The following DYNC2H1 variants were observed in gnomAD, a reference collection of about 807,000 sequenced individuals.
DYNC2H1 encodes the protein dynein cytoplasmic 2 heavy chain 1.
A neutral mutation model predicts 570.0 loss-of-function variants in DYNC2H1; 410 were observed. The observed-to-expected ratio is 0.72, with a 90% CI of 0.66 to 0.78. The LOEUF is 0.78. DYNC2H1 is among the 30% of genes least tolerant of loss of function. DYNC2H1 has a pLI of 0.00. For missense variants in DYNC2H1, 4,865 were observed against 5,046.4 expected, an observed-to-expected ratio of 0.96 and a Z score of 1.09; for synonymous variants, 1,688 against 1,677.6, an observed-to-expected ratio of 1.01 and a Z score of -0.15.
In DYNC2H1 at chr11:103,186,522, G is replaced by A; in HGVS notation, c.6893+21G>A. ...AAAGGGTAAGAAAAATATTGGCAAA[G>A]GTATATGTTGTGGATTTATTCCTGC... is the stretch of plus-strand genomic sequence containing the variant. On this transcript the variant is annotated intron_variant, in intron 42 of 88. Transcript: ENST00000375735. This position sits in a 1 kb window ranked among gnomAD's most constrained non-coding sequence, Gnocchi z 4.5. 2 of 1,600,988 alleles carry A rather than the reference G, an allele frequency of 1.2e-6. No individual in the cohort carries two copies. The highest frequency in any genetic ancestry group is 1.7e-6 in the Non-Finnish European group (2 of 1,176,258).
intron 34 of DYNC2H1, among the ~76,000 whole-genome samples, chr11:103,171,508 G>A (rs538169215): frequency 6.6e-6 from 1 of 152,002 alleles, no homozygotes; most frequent in Non-Finnish European, 1.5e-5. Flanking sequence ...CACCCCCCTC[G>A]GCCTCCCAAA....
At chr11:103,373,698 G>T (rs1941273059) in intron 83 of DYNC2H1, among the ~76,000 whole-genome samples, 1 of 152,090 alleles carries the variant, frequency 6.6e-6, no homozygotes, top group Admixed American at 6.5e-5. Context: ...ATGTCTGTTA[G>T]GTCCACTTGG....
intron 70 of DYNC2H1, among the ~76,000 whole-genome samples, chr11:103,271,826 T>C (rs939848206): frequency 6.6e-6 from 1 of 152,144 alleles, no homozygotes; most frequent in Non-Finnish European, 1.5e-5. Context: ...GAAAAAATGC[T>C]CATCATCACT....
At position 103,245,223 on chromosome 11, in the gene DYNC2H1, T is replaced by G. The variant is rs1372903285; in HGVS notation, c.9919-28T>G. 3.5e-6 allele frequency: 5 copies of G among 1,442,788 alleles called. No homozygotes were observed. Among genetic ancestry groups the G allele is most frequent in the Non-Finnish European group, 4.7e-6 (5 of 1,069,872 alleles). The allele number at this position is 1,442,788 out of a possible 1,614,324, so 89.4% of individuals were successfully genotyped here. ...GTAAATATTAAAGTAATTAAATAAT[T>G]AATACGTATTCTTTTTTATTCAATT... On this transcript the variant is annotated intron_variant, in intron 64 of 88. Coordinates refer to ENST00000375735, the MANE Select transcript of DYNC2H1 (RefSeq NM_001377.3). The surrounding 1 kb of genome is among the most constrained non-coding windows in gnomAD (Gnocchi z 4.5).
intron 83 of DYNC2H1, among the ~76,000 whole-genome samples, chr11:103,389,956 A>T (rs1942064310): frequency 6.6e-6 from 1 of 152,212 alleles, no homozygotes; most frequent in Non-Finnish European, 1.5e-5. Flanking sequence ...TGTGGTGCTG[A>T]GAAGAATGTA....
chr11:103,413,528 ATGT>A (rs1461324225), intron 84 of DYNC2H1, among the ~76,000 whole-genome samples: 1 of 152,146 alleles, frequency 6.6e-6, no homozygotes, highest in Non-Finnish European at 1.5e-5. Flanking sequence ...TGTAATTCTG[ATGT>A]TGTGATTCCT....
At chr11:103,432,226 G>T (rs1441943795) in intron 84 of DYNC2H1, among the ~76,000 whole-genome samples, 1 of 152,090 alleles carries the variant, frequency 6.6e-6, no homozygotes, top group African/African-American at 2.4e-5. Flanking sequence ...AATAAGAGAA[G>T]ACAACACTTC....
At chr11:103,423,855 ATATC>A (rs1161757092) in intron 84 of DYNC2H1, among the ~76,000 whole-genome samples, 2 of 152,082 alleles carry the variant, frequency 1.3e-5, no homozygotes, top group African/African-American at 2.4e-5. Flanking sequence ...TGCAATGAGA[ATATC>A]AATATATAAA....
rs377732134 is a variant in DYNC2H1, at chr11:103,422,423, C to T, written c.12367-13520C>T. On this transcript the variant is annotated intron_variant, in intron 84 of 88. Transcript: ENST00000375735. Reference sequence around the variant, plus strand: ...TTAGGCCAATATCCTTGATGAACATCCATGTAAAAATTCTCAATAAAATAC... The same window carrying T: ...TTAGGCCAATATCCTTGATGAACATTCATGTAAAAATTCTCAATAAAATAC... Among the ~76,000 whole-genome samples the T allele has an allele frequency of 6.0e-4, 91 of 152,084 alleles. No individual in the cohort carries two copies. In the East Asian group the frequency reaches 0.012, roughly 20 times the overall value.
chr11:103,343,408 G>C (rs1331092348), intron 82 of DYNC2H1, among the ~76,000 whole-genome samples: 1 of 151,750 alleles, frequency 6.6e-6, no homozygotes, highest in Non-Finnish European at 1.5e-5. Context: ...TCTCCTATAA[G>C]AATGATTTCT....
chr11:103,257,850 A>G, intron 69 of DYNC2H1, 99 bp downstream of exon 69: 2 of 1,214,116 alleles, frequency 1.6e-6, no homozygotes, highest in Non-Finnish European at 2.1e-6. Flanking sequence ...GCAAACTTTC[A>G]TAGAATTATG....
At chr11:103,225,265 G>A (rs533363686) in intron 59 of DYNC2H1, among the ~76,000 whole-genome samples, 28 of 152,058 alleles carry the variant, frequency 1.8e-4, no homozygotes, top group African/African-American at 6.0e-4. Context: ...ATTAAGTCCC[G>A]TCTGTTTATC....
chr11:103,274,816 T>C (rs1289724611), intron 70 of DYNC2H1, among the ~76,000 whole-genome samples: 1 of 152,136 alleles, frequency 6.6e-6, no homozygotes, highest in East Asian at 1.9e-4. Context: ...TTATGTAGGC[T>C]GGGCGTGGTG....
At chr11:103,210,450 ATT>A (rs1408132521) in intron 53 of DYNC2H1, among the ~76,000 whole-genome samples, 1 of 151,894 alleles carries the variant, frequency 6.6e-6, no homozygotes, top group Non-Finnish European at 1.5e-5. Context: ...TTATTAACTT[ATT>A]TATTTAACCA....
intron 82 of DYNC2H1, among the ~76,000 whole-genome samples, chr11:103,336,111 C>G (rs1939109282): frequency 6.6e-6 from 1 of 152,076 alleles, no homozygotes; most frequent in South Asian, 2.1e-4. Context: ...AGATCTCTTG[C>G]TAGGCAAAAG....
At chr11:103,348,396 C>T (rs1448775545) in intron 82 of DYNC2H1, among the ~76,000 whole-genome samples, 1 of 152,162 alleles carries the variant, frequency 6.6e-6, no homozygotes, top group East Asian at 1.9e-4. Flanking sequence ...ATCGCCACAA[C>T]AAGATAGTGA....
chr11:103,136,557 A>G (rs1447903224), intron 17 of DYNC2H1, among the ~76,000 whole-genome samples: 4 of 152,186 alleles, frequency 2.6e-5, no homozygotes, highest in Admixed American at 2.0e-4. Flanking sequence ...ACATGAACTC[A>G]TCATTTTTTA....
chr11:103,240,468 A>G (rs1388857110), intron 63 of DYNC2H1, among the ~76,000 whole-genome samples: 1 of 152,102 alleles, frequency 6.6e-6, no homozygotes, highest in Non-Finnish European at 1.5e-5. Context: ...CTCACTGCCT[A>G]TAACCTGCTT....
At position 103,256,878 on chromosome 11, in the gene DYNC2H1, T is replaced by C. The variant is rs1013548205; in HGVS notation, c.10461+638T>C. Among the ~76,000 whole-genome samples the C allele has an allele frequency of 6.6e-6, 1 of 152,216 alleles. No homozygotes were observed. Among genetic ancestry groups the C allele is most frequent in the Non-Finnish European group, 1.5e-5 (1 of 68,038 alleles). ...TAAAATTGGATCATCTATTCTCTGA[T>C]CACAAATATTTACCATTTCATCTTA... is the stretch of plus-strand genomic sequence containing the variant. On this transcript the variant is annotated intron_variant, in intron 68 of 88. Coordinates refer to ENST00000375735, the MANE Select transcript of DYNC2H1 (RefSeq NM_001377.3). The surrounding 1 kb of genome is among the most constrained non-coding windows in gnomAD (Gnocchi z 4.0).
Sources: gnomAD v4.1 joint callset for allele counts (sites outside exome capture counted in the v4.1 genomes callset) on GRCh38, gnomAD v4.1.1 for gene constraint, Gnocchi (gnomAD v3.1) non-coding constraint, MANE v1.5 for transcripts, NCBI Gene and HGNC (gene_info 2026-07-23, HGNC 2026-07-21) for gene names.